WIZ: variants seen among roughly 807,000 people sequenced by gnomAD.
WIZ encodes the protein protein Wiz.
Under a neutral mutation model 140.2 loss-of-function variants are expected in WIZ, and 25 were observed. The ratio of observed to expected loss-of-function variants is 0.18; its 90% CI spans 0.13 to 0.25. The LOEUF (loss-of-function observed/expected upper bound fraction) is 0.25, where lower values mean the gene tolerates loss of function less well. Among genes scored for constraint, WIZ ranks in the 10% least tolerant of loss-of-function variants. The pLI is 1.00. For synonymous variants in WIZ, 1,125 were observed against 1,154.3 expected (o/e 0.97, Z 0.51); for missense variants, 2,231 against 2,632.6 (o/e 0.85, Z 3.34).
At chr19:15,437,837 C>G (rs1969572884) in intron 4 of WIZ, among the ~76,000 whole-genome samples, 1 of 152,110 alleles carries the variant, frequency 6.6e-6, no homozygotes, top group Non-Finnish European at 1.5e-5. Flanking sequence ...CTGCTGGGAG[C>G]CTTCTCTGAG....
chr19:15,449,273 C>G (rs1476535929), intron 1 of WIZ, among the ~76,000 whole-genome samples: 1 of 151,950 alleles, frequency 6.6e-6, no homozygotes, highest in East Asian at 1.9e-4. Flanking sequence ...GGCGCCAGGC[C>G]TGGTTGCAGG....
chr19:15,420,768 A>AT lies in WIZ; in HGVS notation c.*2307_*2308insA, dbSNP rs1968338968. 1.3e-5 allele frequency: 2 copies of AT among 152,360 alleles called. No individual in the cohort carries two copies. The highest frequency in any genetic ancestry group is 3.9e-4 in the East Asian group (2 of 5,186). 9.4% of individuals were successfully genotyped at this position (152,360 alleles called of 1,614,324 possible). On this transcript the variant is annotated 3_prime_UTR_variant, in exon 13 of 13. Transcript: ENST00000673675. ...GGAGGAACTTGCCATATGACTTTAT[A>AT]AGCTCTTGTATCATTTGACTGTTTT...
chr19:15,440,409 G>T lies in WIZ; in HGVS notation c.585C>A (p.Ser195=). 6.5e-7 allele frequency: 1 copy of T among 1,535,814 alleles called. No individual in the cohort carries two copies. Among genetic ancestry groups the T allele is most frequent in the Non-Finnish European group, 8.7e-7 (1 of 1,146,718 alleles). The part of the protein sequence containing the change: ...DWLQDEDEQG[S]PQDAGLHLDL... Reference sequence around the variant, plus strand: ...CCAAGTGCAGCCCTGCGTCCTGGGGGGATCCCTGCTCGTCCTCATCTTGGA... The same window carrying T: ...CCAAGTGCAGCCCTGCGTCCTGGGGTGATCCCTGCTCGTCCTCATCTTGGA... Residue 195 remains serine (S), a synonymous_variant, in exon 4 of 13, where the codon TCC becomes TCA. Transcript: ENST00000673675. This position sits in a 1 kb window ranked among gnomAD's most constrained non-coding sequence, Gnocchi z 6.2.
At chr19:15,449,057 A>C (rs1461970568) in intron 1 of WIZ, among the ~76,000 whole-genome samples, 5 of 144,516 alleles carry the variant, frequency 3.5e-5, no homozygotes, top group South Asian at 2.3e-4. Flanking sequence ...CATTCCCCCC[A>C]CCCCCCAACC....
intron 7 of WIZ, 102 bp downstream of exon 7, chr19:15,429,484 G>GC: frequency 1.5e-3 from 481 of 318,726 alleles, no homozygotes; most frequent in Non-Finnish European, 2.0e-3. Flanking sequence ...AGTCCCCACC[G>GC]CCCCCACCCA....
rs1323301689 is a variant in WIZ at position 15,433,287 on chromosome 19, TTC to T, written c.2741-2107_2741-2106del. ...GCAACACATTTCAATCACCGCCTGC[TTC>T]TCTCTCCGATTGTCCCCAGCTGTTC... On this transcript the variant is annotated intron_variant, in intron 5 of 12. Transcript: ENST00000673675. The T allele has an allele frequency of 3.0e-6, 3 of 985,292 alleles. No individual in the cohort carries two copies. The African/African-American group carries it at 5.2e-5, about 17-fold the overall frequency. The allele number at this position is 985,292 out of a possible 1,614,324, so 61.0% of individuals were successfully genotyped here. A position where few individuals can be genotyped will look rare whatever the true frequency, so the allele number is the denominator to read the frequency against.
Position 15,428,426 on chromosome 19 carries a change from G to A in WIZ, c.3498C>T (p.His1166=), listed in dbSNP as rs758546651. The A allele has an allele frequency of 6.5e-6, 10 of 1,535,688 alleles. No homozygotes were observed. The highest frequency in any genetic ancestry group is 3.6e-5 in the South Asian group (3 of 84,054). The change falls in exon 8 of 13, where the codon CAC becomes CAT. Residue 1166 remains histidine, a synonymous_variant. Transcript: ENST00000673675. The surrounding 1 kb of genome is among the most constrained non-coding windows in gnomAD (Gnocchi z 6.4). ...WFETRKGLSS[H]ARAHLRHLGV... ...CCAGGTGGCGCAGGTGGGCACGGGC[G>A]TGGCTAGACAGGCCCTTGCGGGTCT...
In WIZ at chr19:15,422,917, G is replaced by T; in HGVS notation, c.*159C>A. 8.8e-7 allele frequency: 1 copy of T among 1,139,866 alleles called. No individual in the cohort carries two copies. The highest frequency in any genetic ancestry group is 1.2e-6 in the Non-Finnish European group (1 of 833,416). The allele number at this position is 1,139,866 out of a possible 1,614,324, so 70.6% of individuals were successfully genotyped here. A position where few individuals can be genotyped will look rare whatever the true frequency, so the allele number is the denominator to read the frequency against. ...GGGAAGGGCAGCTAGCTGGCTCCCG[G>T]CGCCCTGGCTGTAGTGTGCCCGGCC... On this transcript the variant is annotated 3_prime_UTR_variant, in exon 13 of 13. Transcript: ENST00000673675.
chr19:15,440,357 C>T lies in WIZ; in HGVS notation c.637G>A (p.Ala213Thr), dbSNP rs1443213338. The change falls in exon 4 of 13, where the codon GCC (alanine) becomes ACC (threonine). Residue 213 changes from alanine to threonine, a missense_variant. Around this residue, in one of 15 missense-constraint regions of WIZ, gnomAD observed 307 missense variants for 294.1 expected, o/e 1.04. Transcript: ENST00000673675. The surrounding 1 kb of genome is among the most constrained non-coding windows in gnomAD (Gnocchi z 6.2). ...LDLPAQPPPL[A>T]PFRRVFVPVE... ...GGCACAAACACCCTCCTGAAGGGGG[C>T]GAGGGGTGGCGGCTGGGCAGGCAGG... 42 of 1,529,988 alleles carry T rather than the reference C, an allele frequency of 2.7e-5. No individual in the cohort carries two copies. Among genetic ancestry groups the T allele is most frequent in the African/African-American group, 4.1e-5 (3 of 72,920 alleles). 94.8% of individuals were successfully genotyped at this position (1,529,988 alleles called of 1,614,324 possible). A position where few individuals can be genotyped will look rare whatever the true frequency, so the allele number is the denominator to read the frequency against.
intron 5 of WIZ, among the ~76,000 whole-genome samples, chr19:15,434,701 G>A (rs1372477659): frequency 6.6e-6 from 1 of 151,876 alleles, no homozygotes; most frequent in Admixed American, 6.6e-5. Context: ...ACTACTTTTT[G>A]TAGCCAAGTT....
rs1969674227 is a variant in WIZ, at chr19:15,440,048, G to C, written c.946C>G (p.Pro316Ala). 1 of 1,535,934 alleles carries C rather than the reference G, an allele frequency of 6.5e-7. No homozygotes were observed. The highest frequency in any genetic ancestry group is 8.7e-7 in the Non-Finnish European group (1 of 1,146,828). Residue 316 changes from proline (P) to alanine (A), a missense_variant, in exon 4 of 13, where the codon CCA becomes GCA. Coordinates refer to ENST00000673675, the MANE Select transcript of WIZ (RefSeq NM_001371589.1). The surrounding 1 kb of genome is among the most constrained non-coding windows in gnomAD (Gnocchi z 6.2). Reference sequence around the variant, plus strand: ...AAGTAGATGCTGCACTCGATGCATGGGAACACGGCCGGCTCCTCGTCCTCG... The same window carrying C: ...AAGTAGATGCTGCACTCGATGCATGCGAACACGGCCGGCTCCTCGTCCTCG... ...EDEDEEPAVF[P>A]CIECSIYFKQ...
Position 15,448,192 on chromosome 19 carries a change from C to A in WIZ, c.116G>T (p.Gly39Val). 1 of 1,613,056 alleles carries A rather than the reference C, an allele frequency of 6.2e-7. No individual in the cohort carries two copies. The highest frequency in any genetic ancestry group is 8.5e-7 in the Non-Finnish European group (1 of 1,179,264). ...NIEGGAEAAEGEGGIFRSTRY... is the reference protein window; with the variant it reads ...NIEGGAEAAEVEGGIFRSTRY... ...GGTGGACCGGAAGATGCCACCTTCC[C>A]CCTCAGCAGCTTCGGCCCCACCCTC... Residue 39 changes from glycine (G) to valine (V), a missense_variant, in exon 2 of 13, where the codon GGG (glycine) becomes GTG (valine). This residue lies in a region of WIZ where 85 missense variants were observed against 90.9 expected (regional missense o/e 0.94). Coordinates refer to ENST00000673675, the MANE Select transcript of WIZ (RefSeq NM_001371589.1).
Position 15,440,762 on chromosome 19 carries a change from T to C in WIZ, c.279-47A>G. ...GACAGGTTAGCCATGGGCTGCAGTT[T>C]TCCTTCCTAGGGTGGTGATGGGGGT... On this transcript the variant is annotated intron_variant, in intron 3 of 12. Coordinates refer to ENST00000673675, the MANE Select transcript of WIZ (RefSeq NM_001371589.1). This position sits in a 1 kb window ranked among gnomAD's most constrained non-coding sequence, Gnocchi z 6.2. 1 of 1,441,462 alleles carries C rather than the reference T, an allele frequency of 6.9e-7. No homozygotes were observed. Among genetic ancestry groups the C allele is most frequent in the Non-Finnish European group, 9.1e-7 (1 of 1,100,300 alleles). 89.3% of individuals were successfully genotyped at this position (1,441,462 alleles called of 1,614,324 possible).
rs1368867369 is a variant in WIZ at position 15,439,914 on chromosome 19, G to A, written c.1080C>T (p.Ala360=). The change falls in exon 4 of 13, where the codon GCC becomes GCT. Residue 360 remains alanine (A), a synonymous_variant. Coordinates refer to ENST00000673675, the MANE Select transcript of WIZ (RefSeq NM_001371589.1). The surrounding 1 kb of genome is among the most constrained non-coding windows in gnomAD (Gnocchi z 7.0). ...GCTCCAGGGCAGTGGGGTCAGCAAA[G>A]GCCCAGCCACACTCCCCGCAGGCCA... The part of the protein sequence containing the change: ...APLACGECGW[A]FADPTALEQH... 6.5e-7 allele frequency: 1 copy of A among 1,530,420 alleles called. No homozygotes were observed. Among genetic ancestry groups the A allele is most frequent in the Non-Finnish European group, 8.7e-7 (1 of 1,143,752 alleles). 94.8% of individuals were successfully genotyped at this position (1,530,420 alleles called of 1,614,324 possible).
chr19:15,438,906 C>G lies in WIZ; in HGVS notation c.2088G>C (p.Ala696=). 1 of 1,446,792 alleles carries G rather than the reference C, an allele frequency of 6.9e-7. No homozygotes were observed. Among genetic ancestry groups the G allele is most frequent in the Non-Finnish European group, 9.1e-7 (1 of 1,101,144 alleles). The allele number at this position is 1,446,792 out of a possible 1,614,324, so 89.6% of individuals were successfully genotyped here. The change falls in exon 4 of 13, where the codon GCG becomes GCC. Residue 696 remains alanine, a synonymous_variant. Transcript: ENST00000673675. ...GCAACCTTGGGGGCACCCTGGCTGC[C>G]GCCATGACCTGCGGCCCCAGCTTCG... The part of the protein sequence containing the change: ...LVAKLGPQVM[A]AARVPPRLQP...
intron 1 of WIZ, 73 bp downstream of exon 1, chr19:15,449,725 C>G (rs1352454348): frequency 1.4e-5 from 2 of 145,502 alleles, no homozygotes; most frequent in Non-Finnish European, 3.1e-5. Context: ...TGGCCCGGCC[C>G]GGCCCGGGGC....
intron 4 of WIZ, among the ~76,000 whole-genome samples, 182 bp from the exon 5 acceptor site, chr19:15,437,311 C>T (rs1278652648): frequency 6.6e-6 from 1 of 152,210 alleles, no homozygotes; most frequent in Non-Finnish European, 1.5e-5. Flanking sequence ...GAAGCCTGAC[C>T]CTCCCAGATA....
In WIZ at chr19:15,436,880, C is replaced by T. The variant is rs751164888; in HGVS notation, c.2666G>A (p.Arg889His). The T allele has an allele frequency of 1.6e-5, 26 of 1,612,654 alleles. No homozygotes were observed. The highest frequency in any genetic ancestry group is 4.5e-5 in the East Asian group (2 of 44,806). The change falls in exon 5 of 13, where the codon CGT becomes CAT. Residue 889 changes from arginine to histidine, a missense_variant. Arg to His is a conservative substitution (Grantham distance 29). Coordinates refer to ENST00000673675, the MANE Select transcript of WIZ (RefSeq NM_001371589.1). ...CACCGTGAGAGGTAAGCGGGGCCGA[C>T]GGGAGGTCAGGAAGCTGCCAGGCGG... ...GGPPGSFLTS[R>H]RPRLPLTVPF...
Position 15,440,346 on chromosome 19 carries a change from C to G in WIZ, c.648G>C (p.Arg216Ser). The G allele has an allele frequency of 6.5e-7, 1 of 1,528,984 alleles. No homozygotes were observed. The highest frequency in any genetic ancestry group is 8.8e-7 in the Non-Finnish European group (1 of 1,141,998). The allele number at this position is 1,528,984 out of a possible 1,614,324, so 94.7% of individuals were successfully genotyped here. The change falls in exon 4 of 13, where the codon AGG (arginine) becomes AGC (serine). Residue 216 changes from arginine to serine, a missense_variant. By Grantham distance (110) the Arg-to-Ser change is moderately radical. Transcript: ENST00000673675. The surrounding 1 kb of genome is among the most constrained non-coding windows in gnomAD (Gnocchi z 6.2). ...TGTCTTCCACTGGCACAAACACCCT[C>G]CTGAAGGGGGCGAGGGGTGGCGGCT... ...PAQPPPLAPFRRVFVPVEDTP... is the reference protein window; with the variant it reads ...PAQPPPLAPFSRVFVPVEDTP...
Sources: gnomAD v4.1 joint callset for allele counts (sites outside exome capture counted in the v4.1 genomes callset) on GRCh38, gnomAD v4.1.1 for gene constraint, gnomAD v4.1.1 regional missense constraint, Gnocchi (gnomAD v3.1) non-coding constraint, MANE v1.5 for transcripts, NCBI Gene and HGNC (gene_info 2026-07-23, HGNC 2026-07-21) for gene names.